The following TOX variants were observed in gnomAD, a reference collection of about 807,000 sequenced individuals.
TOX encodes the protein thymocyte selection-associated high mobility group box protein TOX.
A neutral mutation model predicts 53.7 loss-of-function variants in TOX; 11 were observed. The observed-to-expected ratio is 0.20, with a 90% CI of 0.13 to 0.34. The LOEUF (loss-of-function observed/expected upper bound fraction) is 0.34. Ranked by LOEUF, TOX falls within the 10% of genes least tolerant of loss-of-function variation. TOX has a pLI of 1.00. For missense variants in TOX, 570 were observed against 664.6 expected, an observed-to-expected ratio of 0.86 and a Z score of 1.56; for synonymous variants, 225 against 245.3, an observed-to-expected ratio of 0.92 and a Z score of 0.77.
At chr8:58,856,098 A>G (rs1369411101) in intron 3 of TOX, among the ~76,000 whole-genome samples, 1 of 152,196 alleles carries the variant, frequency 6.6e-6, no homozygotes, top group African/African-American at 2.4e-5. Context: ...AAAATGAAAT[A>G]TACTTTTTTT....
intron 3 of TOX, among the ~76,000 whole-genome samples, chr8:58,933,062 T>C (rs1040364403): frequency 6.6e-6 from 1 of 152,186 alleles, no homozygotes; most frequent in Non-Finnish European, 1.5e-5. Context: ...TTCCTCATTG[T>C]AAATTTTCTA....
chr8:58,831,017 G>A (rs1322951080), intron 5 of TOX, among the ~76,000 whole-genome samples: 3 of 152,132 alleles, frequency 2.0e-5, no homozygotes, highest in Non-Finnish European at 4.4e-5. Flanking sequence ...ATGGTTAAAT[G>A]TCCATCTTGT....
intron 1 of TOX, among the ~76,000 whole-genome samples, chr8:59,015,054 G>A (rs1813981887): frequency 6.6e-6 from 1 of 152,168 alleles, no homozygotes; most frequent in Admixed American, 6.5e-5. Flanking sequence ...CTGTACATCT[G>A]AGAGGATCAA....
At position 58,815,474 on chromosome 8, in the gene TOX, G is replaced by C; in HGVS notation, c.1256C>G (p.Pro419Arg). The part of the protein sequence containing the change: ...SIANMAVSPP[P>R]PLQISPPLHQ... Reference sequence around the variant, plus strand: ...AAGAGGCGGGCTGATCTGGAGGGGAGGAGGAGGGGACACAGCCATGTTTGC... The same window carrying C: ...AAGAGGCGGGCTGATCTGGAGGGGACGAGGAGGGGACACAGCCATGTTTGC... The change falls in exon 7 of 9, where the codon CCT becomes CGT. Residue 419 changes from proline to arginine, a missense_variant. Transcript: ENST00000361421. 1 of 1,614,056 alleles carries C rather than the reference G, an allele frequency of 6.2e-7. No homozygotes were observed. Among genetic ancestry groups the C allele is most frequent in the Non-Finnish European group, 8.5e-7 (1 of 1,179,982 alleles).
rs188507832 is a variant in TOX at position 59,097,483 on chromosome 8, G to A, written c.102+21403C>T. On this transcript the variant is annotated intron_variant, in intron 1 of 8. Coordinates refer to ENST00000361421, the MANE Select transcript of TOX (RefSeq NM_014729.3). ...TAAATTCTACCAATAAAATACTGCC[G>A]TTAATTTCATTTTGCAGATGGGAAA... Among the ~76,000 whole-genome samples, 459 of 152,194 alleles carry A rather than the reference G, an allele frequency of 3.0e-3. 2 individuals are homozygous for A. The highest frequency in any genetic ancestry group is 9.2e-3 in the African/African-American group (380 of 41,504).
chr8:58,835,171 T>C (rs1585851114), intron 5 of TOX, among the ~76,000 whole-genome samples: 1 of 152,312 alleles, frequency 6.6e-6, no homozygotes, highest in South Asian at 2.1e-4. Context: ...ATAAAATGAA[T>C]TTGCTCCCCC....
At chr8:58,971,857 A>G (rs780165845) in intron 1 of TOX, among the ~76,000 whole-genome samples, 2 of 152,066 alleles carry the variant, frequency 1.3e-5, no homozygotes, top group Middle Eastern at 3.4e-3. Flanking sequence ...TTACCAACTA[A>G]TTTTTGTATT....
chr8:58,808,009 G>A (rs1810009471), intron 8 of TOX, 109 bp downstream of exon 8: 2 of 1,451,066 alleles, frequency 1.4e-6, no homozygotes, highest in African/African-American at 1.4e-5. Context: ...CTTCATGAAC[G>A]TGAAACTATC....
chr8:59,001,270 C>T (rs111623374), intron 1 of TOX, among the ~76,000 whole-genome samples: 81 of 152,146 alleles, frequency 5.3e-4, no homozygotes, highest in Non-Finnish European at 5.3e-4. Context: ...AAAGAGGTGA[C>T]AACAGCCACC....
intron 3 of TOX, among the ~76,000 whole-genome samples, chr8:58,907,820 T>C (rs145350935): frequency 6.6e-6 from 1 of 152,304 alleles, no homozygotes; most frequent in Non-Finnish European, 1.5e-5. Flanking sequence ...GGGCACAAAC[T>C]AGATGCTCAG....
In TOX at chr8:58,815,742, G is replaced by A. The variant is rs1295809810; in HGVS notation, c.1006-18C>T. 1 of 1,586,644 alleles carries A rather than the reference G, an allele frequency of 6.3e-7. No homozygotes were observed. Among genetic ancestry groups the A allele is most frequent in the African/African-American group, 1.3e-5 (1 of 74,262 alleles). ...CTGTAGCTCTGTTGAGGAAATAAAT[G>A]AGCAGAGTTGGGAGGCTGATACATG... On this transcript the variant is annotated intron_variant, in intron 6 of 8. Transcript: ENST00000361421.
intron 2 of TOX, among the ~76,000 whole-genome samples, chr8:58,942,524 T>C (rs1812459714): frequency 6.6e-6 from 1 of 152,138 alleles, no homozygotes; most frequent in Admixed American, 6.5e-5. Flanking sequence ...TACAGTGTAA[T>C]TGATGCCATA....
intron 3 of TOX, among the ~76,000 whole-genome samples, chr8:58,881,723 C>CAAAAAA (rs11316154): frequency 3.6e-5 from 3 of 82,500 alleles, no homozygotes; most frequent in African/African-American, 5.1e-5. Flanking sequence ...GATTCCATCT[C>CAAAAAA]AAAAAAAAAA....
intron 3 of TOX, among the ~76,000 whole-genome samples, chr8:58,869,157 G>A (rs34292465): frequency 0.066 from 9,899 of 149,656 alleles, 463 homozygotes; most frequent in Middle Eastern, 0.15. Context: ...AACCCGGGAG[G>A]CAGAGGTTGC....
chr8:59,077,654 G>A (rs1563439012), intron 1 of TOX, among the ~76,000 whole-genome samples: 1 of 152,164 alleles, frequency 6.6e-6, no homozygotes, highest in Non-Finnish European at 1.5e-5. Context: ...GTTCCAGATA[G>A]CCTTGATGAA....
intron 3 of TOX, among the ~76,000 whole-genome samples, chr8:58,855,769 C>T (rs1157675892): frequency 2.6e-5 from 4 of 152,200 alleles, no homozygotes; most frequent in Non-Finnish European, 4.4e-5. Context: ...ACACCTATAA[C>T]CATCCTTCAT....
At chr8:59,031,543 G>A (rs1814356682) in intron 1 of TOX, among the ~76,000 whole-genome samples, 1 of 152,162 alleles carries the variant, frequency 6.6e-6, no homozygotes, top group African/African-American at 2.4e-5. Flanking sequence ...AATTCTAGTG[G>A]GGAGAGGCAA....
intron 3 of TOX, among the ~76,000 whole-genome samples, chr8:58,881,406 G>A (rs576674636): frequency 1.5e-5 from 1 of 68,820 alleles, no homozygotes; most frequent in Non-Finnish European, 2.6e-5. Context: ...CCCCATCCTT[G>A]CATGGCACAT....
chr8:58,906,306 A>G (rs1328171954), intron 3 of TOX, among the ~76,000 whole-genome samples: 5 of 152,210 alleles, frequency 3.3e-5, no homozygotes, highest in Non-Finnish European at 7.3e-5. Context: ...TTATCAAAGT[A>G]AGAAGAAAAA....
Sources: allele counts gnomAD v4.1 joint callset (sites outside exome capture counted in the v4.1 genomes callset), GRCh38; gene constraint gnomAD v4.1.1; transcripts MANE v1.5; gene names NCBI Gene and HGNC (gene_info 2026-07-23, HGNC 2026-07-21).